TTC6: variants seen among roughly 807,000 people sequenced by gnomAD.
The protein encoded by TTC6 is tetratricopeptide repeat protein 6.
Under a neutral mutation model 210.4 loss-of-function variants are expected in TTC6, and 172 were observed. The ratio of observed to expected loss-of-function variants is 0.82; its 90% confidence interval spans 0.72 to 0.93. TTC6 has a LOEUF of 0.93. Ranked by LOEUF, TTC6 falls within the 40% of genes least tolerant of loss-of-function variation. The pLI, the probability that TTC6 is intolerant of heterozygous loss-of-function variation, is 0.00. For missense variants in TTC6, 2,414 were observed against 2,318.1 expected (o/e 1.04, Z -0.85); for synonymous variants, 804 against 819.6 (o/e 0.98, Z 0.32).
intron 1 of TTC6, among the ~76,000 whole-genome samples, chr14:37,597,792 G>A (rs967173647): frequency 1.3e-5 from 2 of 152,126 alleles, no homozygotes; most frequent in African/African-American, 4.8e-5. Context: ...AGCACCGCCA[G>A]GCGATACTGG....
intron 11 of TTC6, 47 bp downstream of exon 13, chr14:37,749,448 C>G: frequency 7.3e-7 from 1 of 1,366,846 alleles, no homozygotes; most frequent in Non-Finnish European, 9.4e-7. Context: ...TTTACACTTG[C>G]TTTTAATTGT....
intron 1 of TTC6, among the ~76,000 whole-genome samples, chr14:37,679,559 A>C (rs2095778450): frequency 6.6e-6 from 1 of 152,164 alleles, no homozygotes. Context: ...TGTTTTATAC[A>C]ATCTGACTTA....
chr14:37,727,502 C>T (rs1334258044), intron 7 of TTC6, among the ~76,000 whole-genome samples: 5 of 146,534 alleles, frequency 3.4e-5, no homozygotes, highest in South Asian at 2.2e-4. Context: ...ACTGTTTTAG[C>T]TAGGATGGTC....
chr14:37,673,653 G>A (rs769704839), intron 1 of TTC6, among the ~76,000 whole-genome samples: 24 of 152,090 alleles, frequency 1.6e-4, no homozygotes, highest in Non-Finnish European at 3.2e-4. Context: ...GCTTCAAGCA[G>A]TGTAGGGGAA....
intron 29 of TTC6, 126 bp from the exon 32 acceptor site, chr14:37,841,319 A>T: frequency 1.3e-6 from 1 of 787,964 alleles, no homozygotes. Flanking sequence ...TGTACCTGGG[A>T]TGAAATGCTT....
chr14:37,732,004 T>C (rs935371252), intron 7 of TTC6, among the ~76,000 whole-genome samples: 2 of 152,088 alleles, frequency 1.3e-5, no homozygotes, highest in African/African-American at 4.8e-5. Flanking sequence ...TAATTGATCC[T>C]TGAACAATGT....
chr14:37,631,745 A>G (rs2095670334), intron 1 of TTC6, among the ~76,000 whole-genome samples: 1 of 152,232 alleles, frequency 6.6e-6, no homozygotes, highest in East Asian at 1.9e-4. Flanking sequence ...ACTTTCAGGT[A>G]CACCAATCAA....
chr14:37,811,504 T>A (rs1184642156), intron 24 of TTC6, among the ~76,000 whole-genome samples: 1 of 152,206 alleles, frequency 6.6e-6, no homozygotes, highest in African/African-American at 2.4e-5. Flanking sequence ...TAATAAGATT[T>A]AGCCCTTTTC....
intron 1 of TTC6, among the ~76,000 whole-genome samples, chr14:37,632,832 A>G (rs2095672533): frequency 6.6e-6 from 1 of 152,360 alleles, no homozygotes; most frequent in Non-Finnish European, 1.5e-5. Context: ...GGAGGAATCT[A>G]GAGAGGCAGT....
At chr14:37,767,156 T>C (rs1381134076) in intron 14 of TTC6, among the ~76,000 whole-genome samples, 2 of 152,190 alleles carry the variant, frequency 1.3e-5, no homozygotes, top group East Asian at 1.9e-4. Context: ...TGCATAGTAT[T>C]CCATGGTGTA....
At chr14:37,761,799 G>A (rs1252392288) in intron 14 of TTC6, among the ~76,000 whole-genome samples, 2 of 152,080 alleles carry the variant, frequency 1.3e-5, no homozygotes, top group African/African-American at 2.4e-5. Flanking sequence ...ATTATGTGCT[G>A]TTGCATGTGG....
chr14:37,634,848 C>G (rs917671505), intron 1 of TTC6, among the ~76,000 whole-genome samples: 2 of 152,142 alleles, frequency 1.3e-5, no homozygotes, highest in Non-Finnish European at 2.9e-5. Context: ...AAGAAAAGAA[C>G]TACCAGAATT....
At chr14:37,803,888 C>G (rs1418112120) in intron 20 of TTC6, among the ~76,000 whole-genome samples, 2 of 152,128 alleles carry the variant, frequency 1.3e-5, no homozygotes, top group Non-Finnish European at 2.9e-5. Context: ...CAATAGAACA[C>G]TTAGCATATC....
At chr14:37,743,128 G>C (rs145152796) in intron 10 of TTC6, among the ~76,000 whole-genome samples, 1 of 152,312 alleles carries the variant, frequency 6.6e-6, no homozygotes, top group East Asian at 1.9e-4. Context: ...TGGAGTGATA[G>C]CTAGCAGGTT....
chr14:37,622,767 G>C, exon 1 of TTC6: 5 of 1,534,854 alleles, frequency 3.3e-6, no homozygotes, highest in South Asian at 1.2e-5. Flanking sequence ...GAGCGAGAGC[G>C]GGGCCCGCGA....
intron 14 of TTC6, among the ~76,000 whole-genome samples, chr14:37,765,001 G>A (rs1442299063): frequency 1.3e-5 from 2 of 149,694 alleles, no homozygotes; most frequent in African/African-American, 2.5e-5. Flanking sequence ...ATAATTTTTA[G>A]TTATTGTCTT....
At chr14:37,684,059 T>TC (rs2095789456) in intron 3 of TTC6, among the ~76,000 whole-genome samples, 1 of 152,096 alleles carries the variant, frequency 6.6e-6, no homozygotes, top group East Asian at 1.9e-4. Flanking sequence ...TCCTCATTCT[T>TC]CAATTTTTGC....
At chr14:37,795,912 A>G (rs7140857) in intron 18 of TTC6, among the ~76,000 whole-genome samples, 57,197 of 152,012 alleles carry the variant, frequency 0.38, 11,476 homozygotes, top group Non-Finnish European at 0.46. Context: ...GAATGTGACA[A>G]TGCTTTACTG....
chr14:37,666,787 A>G (rs1161207371), intron 1 of TTC6, among the ~76,000 whole-genome samples: 1 of 150,356 alleles, frequency 6.7e-6, no homozygotes, highest in African/African-American at 2.4e-5. Flanking sequence ...GTCCACAGCA[A>G]TTCAGGGCTC....
Sources: gnomAD v4.1 joint callset for allele counts (sites outside exome capture counted in the v4.1 genomes callset) on GRCh38, gnomAD v4.1.1 for gene constraint, MANE v1.5 for transcripts, NCBI Gene and HGNC (gene_info 2026-07-23, HGNC 2026-07-21) for gene names.